The following FHIT variants were observed in gnomAD, a reference collection of about 807,000 sequenced individuals.
FHIT encodes the protein fragile histidine triad diadenosine triphosphatase.
A neutral mutation model predicts 17.9 loss-of-function variants in FHIT; 19 were observed. The ratio of observed to expected loss-of-function variants is 1.06; its 90% confidence interval spans 0.74 to 1.56. The LOEUF is 1.56. Ranked by LOEUF, FHIT falls within the 40% of genes most tolerant of loss-of-function variation. FHIT has a pLI of 0.00. For synonymous variants in FHIT, 81 were observed against 69.7 expected, an observed-to-expected ratio of 1.16 and a Z score of -0.81; for missense variants, 248 against 189.2, an observed-to-expected ratio of 1.31 and a Z score of -1.82.
At chr3:60,540,594 C>A (rs777992242) in intron 4 of FHIT, among the ~76,000 whole-genome samples, 2 of 152,200 alleles carry the variant, frequency 1.3e-5, no homozygotes, top group Non-Finnish European at 2.9e-5. Context: ...CACATTTGGT[C>A]ACAGTAGTAG....
chr3:60,191,280 A>G (rs1331609640), intron 5 of FHIT, among the ~76,000 whole-genome samples: 1 of 152,174 alleles, frequency 6.6e-6, no homozygotes, highest in East Asian at 1.9e-4. Context: ...CACATGTTTT[A>G]TTAAAAGCTA....
intron 1 of FHIT, among the ~76,000 whole-genome samples, chr3:61,221,345 G>C (rs1221772611): frequency 2.0e-5 from 3 of 152,184 alleles, no homozygotes; most frequent in African/African-American, 7.2e-5. Flanking sequence ...AACTCTAATA[G>C]CCTGAATTTG....
intron 4 of FHIT, among the ~76,000 whole-genome samples, chr3:60,709,915 C>T (rs1283917921): frequency 1.3e-5 from 2 of 152,086 alleles, no homozygotes; most frequent in African/African-American, 4.8e-5. Context: ...GTTTGTCTTT[C>T]AATGCTTCTT....
chr3:59,986,116 A>C (rs1237496183), intron 7 of FHIT, among the ~76,000 whole-genome samples: 3 of 152,062 alleles, frequency 2.0e-5, no homozygotes, highest in Non-Finnish European at 4.4e-5. Context: ...AAGCACTATC[A>C]ATAGCGGTTC....
At chr3:60,744,972 G>A (rs2042327727) in intron 4 of FHIT, among the ~76,000 whole-genome samples, 1 of 152,144 alleles carries the variant, frequency 6.6e-6, no homozygotes, top group Non-Finnish European at 1.5e-5. Flanking sequence ...GAGGGGCTGG[G>A]TGCAGTGGCT....
At chr3:60,011,281 C>A in intron 7 of FHIT, 90 bp downstream of exon 7, 1 of 1,206,602 alleles carries the variant, frequency 8.3e-7, no homozygotes, top group Non-Finnish European at 1.2e-6. Context: ...CATAATGAAA[C>A]AGCAATGTGC....
At chr3:60,559,828 A>C (rs945717940) in intron 4 of FHIT, among the ~76,000 whole-genome samples, 1 of 152,138 alleles carries the variant, frequency 6.6e-6, no homozygotes, top group Non-Finnish European at 1.5e-5. Flanking sequence ...ATTGTTTCTC[A>C]AACTCCCCTT....
chr3:60,415,525 G>C (rs1367488802), intron 5 of FHIT, among the ~76,000 whole-genome samples: 1 of 152,154 alleles, frequency 6.6e-6, no homozygotes, highest in Non-Finnish European at 1.5e-5. Context: ...GAGAAACAGA[G>C]TGTAATCATA....
At chr3:60,270,417 C>A (rs1559776676) in intron 5 of FHIT, among the ~76,000 whole-genome samples, 1 of 152,156 alleles carries the variant, frequency 6.6e-6, no homozygotes, top group Non-Finnish European at 1.5e-5. Flanking sequence ...AAAACAGATT[C>A]CACATTTTCA....
chr3:61,153,210 A>T (rs1290257914), intron 2 of FHIT, among the ~76,000 whole-genome samples: 1 of 152,052 alleles, frequency 6.6e-6, no homozygotes, highest in African/African-American at 2.4e-5. Flanking sequence ...TGAAGAAAGG[A>T]AGAGGAAATT....
At chr3:59,929,279 T>C (rs935215179) in intron 7 of FHIT, among the ~76,000 whole-genome samples, 7 of 151,596 alleles carry the variant, frequency 4.6e-5, no homozygotes, top group African/African-American at 1.7e-4. Flanking sequence ...CTGTATGAAG[T>C]ATTATTCTAC....
At chr3:60,711,333 A>G (rs539301900) in intron 4 of FHIT, among the ~76,000 whole-genome samples, 2 of 152,306 alleles carry the variant, frequency 1.3e-5, no homozygotes, top group South Asian at 4.1e-4. Context: ...AAAAAACAAG[A>G]GCAAAAAAAC....
At chr3:60,813,312 T>C (rs1015718188) in intron 4 of FHIT, among the ~76,000 whole-genome samples, 1 of 151,814 alleles carries the variant, frequency 6.6e-6, no homozygotes, top group Admixed American at 6.6e-5. Context: ...TATTTTCTTT[T>C]AATAAATTGC....
At position 60,888,526 on chromosome 3, in the gene FHIT, T is replaced by C. The variant is rs192439032; in HGVS notation, c.-110-66515A>G. The stretch of plus-strand genomic sequence containing the variant: ...AAGAAAAAAAAAAATATAGGTTTAT[T>C]GATCTCCTTTAAATGATAGCTTTAG... On this transcript the variant is annotated intron_variant, in intron 3 of 9. Coordinates refer to ENST00000492590, the MANE Select transcript of FHIT (RefSeq NM_002012.4). Among the ~76,000 whole-genome samples, 34 of 152,338 alleles carry C rather than the reference T, an allele frequency of 2.2e-4. No homozygotes were observed. The East Asian group carries it at 6.6e-3, about 29-fold the overall frequency.
intron 5 of FHIT, among the ~76,000 whole-genome samples, chr3:60,030,590 G>C (rs566463850): frequency 1.3e-5 from 2 of 152,170 alleles, no homozygotes; most frequent in South Asian, 4.2e-4. Context: ...ATGATTACTT[G>C]TTTTCTATTG....
chr3:60,448,969 C>T (rs549374431), intron 5 of FHIT, among the ~76,000 whole-genome samples: 29 of 152,194 alleles, frequency 1.9e-4, no homozygotes, highest in African/African-American at 6.7e-4. Context: ...CCAAGTAATT[C>T]GGTAGGTTTG....
chr3:60,295,012 T>C (rs961494059), intron 5 of FHIT, among the ~76,000 whole-genome samples: 1 of 152,128 alleles, frequency 6.6e-6, no homozygotes, highest in Non-Finnish European at 1.5e-5. Context: ...TTTGTGTGGA[T>C]CCAAGTTTTT....
chr3:60,659,166 A>C (rs2107820553), intron 4 of FHIT, among the ~76,000 whole-genome samples: 1 of 152,182 alleles, frequency 6.6e-6, no homozygotes, highest in East Asian at 1.9e-4. Context: ...TTCCTTCTAC[A>C]TAATGAGTTG....
At chr3:59,777,349 G>A (rs1702374857) in intron 8 of FHIT, among the ~76,000 whole-genome samples, 1 of 151,822 alleles carries the variant, frequency 6.6e-6, no homozygotes, top group Admixed American at 6.6e-5. Flanking sequence ...CGCATGTGTA[G>A]TGGGCACCTA....
Sources: gnomAD v4.1 joint callset for allele counts (sites outside exome capture counted in the v4.1 genomes callset) on GRCh38, gnomAD v4.1.1 for gene constraint, MANE v1.5 for transcripts, NCBI Gene and HGNC (gene_info 2026-07-23, HGNC 2026-07-21) for gene names.